SVIL: variants seen among roughly 807,000 people sequenced by gnomAD.
SVIL encodes archvillin.
A neutral mutation model predicts 240.4 loss-of-function variants in SVIL; 101 were observed. The observed-to-expected ratio is 0.42, with a 90% CI of 0.36 to 0.50. The LOEUF is 0.50. SVIL is among the 20% of genes least tolerant of loss of function. SVIL has a pLI of 0.01. For missense variants in SVIL, 2,512 were observed against 2,818.7 expected (o/e 0.89, Z 2.46); for synonymous variants, 999 against 1,100.0 (o/e 0.91, Z 1.82).
At chr10:29,499,065 C>T (rs1948676603) in intron 18 of SVIL, 51 bp downstream of exon 18, 1 of 1,594,560 alleles carries the variant, frequency 6.3e-7, no homozygotes, top group Non-Finnish European at 8.6e-7. Context: ...TAAGTGTGCT[C>T]ACGTGTGTGC....
intron 2 of SVIL, among the ~76,000 whole-genome samples, chr10:29,680,320 G>T (rs1041888280): frequency 2.0e-5 from 3 of 152,218 alleles, no homozygotes; most frequent in Admixed American, 6.5e-5. Flanking sequence ...GCTTCTTGGA[G>T]GAGGCACCTG....
At position 29,499,272 on chromosome 10, in the gene SVIL, A is replaced by C; in HGVS notation, c.3517-9T>G. On this transcript the variant is annotated splice_polypyrimidine_tract_variant and intron_variant, in intron 17 of 37. Transcript: ENST00000355867. Reference sequence around the variant, plus strand: ...CGACTTTCTGTGACCCGCTGTTCATAAATGTACAGAAGAGAAAACAGGAGA... The same window carrying C: ...CGACTTTCTGTGACCCGCTGTTCATCAATGTACAGAAGAGAAAACAGGAGA... 6.2e-7 allele frequency: 1 copy of C among 1,614,210 alleles called. No individual in the cohort carries two copies. The highest frequency in any genetic ancestry group is 1.7e-5 in the Admixed American group (1 of 60,032).
chr10:29,659,443 G>C (rs1392539342), intron 2 of SVIL, among the ~76,000 whole-genome samples: 1 of 152,166 alleles, frequency 6.6e-6, no homozygotes, highest in Non-Finnish European at 1.5e-5. Flanking sequence ...GCTCTGAACT[G>C]GGCAACAGCT....
chr10:29,500,406 C>T lies in SVIL; in HGVS notation c.3517-1143G>A, dbSNP rs114316745. On this transcript the variant is annotated intron_variant, in intron 17 of 37. Transcript: ENST00000355867. ...CCAAGGAAGGAAGAGTGCAAAGGTG[C>T]CCCCTCCAGAGCAGAAGGCACGTCC... is the stretch of plus-strand genomic sequence containing the variant. Among the ~76,000 whole-genome samples the T allele has an allele frequency of 2.8e-3, 426 of 152,172 alleles. 2 individuals are homozygous for T. Among genetic ancestry groups the T allele is most frequent in the African/African-American group, 9.6e-3 (400 of 41,500 alleles).
intron 29 of SVIL, among the ~76,000 whole-genome samples, chr10:29,474,469 C>G (rs569480220): frequency 6.6e-5 from 10 of 152,192 alleles, no homozygotes; most frequent in Non-Finnish European, 1.3e-4. Context: ...GTGTTGCACA[C>G]CTGTAGTCCC....
chr10:29,536,911 CAAAAAAA>C (rs59133069), intron 6 of SVIL, among the ~76,000 whole-genome samples: 1 of 89,872 alleles, frequency 1.1e-5, no homozygotes, highest in Non-Finnish European at 2.0e-5. Context: ...GACTCTGTCA[CAAAAAAA>C]AAAAAAAAAA....
chr10:29,715,488 A>T (rs1487122202), intron 1 of SVIL, among the ~76,000 whole-genome samples: 4 of 152,204 alleles, frequency 2.6e-5, no homozygotes, highest in Non-Finnish European at 2.9e-5. Context: ...ATCAAGCCAG[A>T]TTGCTCTTGA....
chr10:29,552,174 T>A (rs1409017448), intron 5 of SVIL, among the ~76,000 whole-genome samples: 2 of 152,026 alleles, frequency 1.3e-5, no homozygotes, highest in African/African-American at 4.8e-5. Flanking sequence ...CTAATAACAT[T>A]TTTATATATT....
chr10:29,561,948 CCT>C (rs1436852086), intron 3 of SVIL, among the ~76,000 whole-genome samples: 1 of 152,206 alleles, frequency 6.6e-6, no homozygotes, highest in African/African-American at 2.4e-5. Context: ...GGCCAAATCC[CCT>C]GAGTCTTTCA....
At chr10:29,682,621 T>C (rs1960749980) in intron 2 of SVIL, among the ~76,000 whole-genome samples, 1 of 152,096 alleles carries the variant, frequency 6.6e-6, no homozygotes. Context: ...AAGGACAAAA[T>C]GATGTTGCAT....
intron 2 of SVIL, among the ~76,000 whole-genome samples, chr10:29,662,101 T>C (rs1774102965): frequency 6.6e-6 from 1 of 152,168 alleles, no homozygotes; most frequent in Non-Finnish European, 1.5e-5. Flanking sequence ...GATGCTGCCA[T>C]GAGACCCAAC....
chr10:29,554,728 C>T (rs1404069700), intron 5 of SVIL, 55 bp downstream of exon 5: 3 of 1,467,040 alleles, frequency 2.0e-6, no homozygotes, highest in Non-Finnish European at 2.7e-6. Flanking sequence ...GAAAGGGCAA[C>T]TCGTAACCAG....
chr10:29,532,099 T>C lies in SVIL; in HGVS notation c.1912A>G (p.Lys638Glu). 1.2e-5 allele frequency: 20 copies of C among 1,614,062 alleles called. No individual in the cohort carries two copies. The highest frequency in any genetic ancestry group is 1.7e-5 in the Non-Finnish European group (20 of 1,179,906). ...TGVERERGSRKPRRYFSPGES... is the reference protein window; with the variant it reads ...TGVERERGSREPRRYFSPGES... The stretch of plus-strand genomic sequence containing the variant: ...CCAGGAGAAAAATAGCGTCTTGGTT[T>C]CCGGGACCCTCTCTCCCGTTCCACA... Residue 638 changes from lysine (K) to glutamate (E), a missense_variant, in exon 9 of 38, where the codon AAA (lysine) becomes GAA (glutamate). By Grantham distance (56) the Lys-to-Glu change is moderately conservative. This residue lies in a region of SVIL where 1,443 missense variants were observed against 1,486.6 expected (regional missense o/e 0.97). Coordinates refer to ENST00000355867, the MANE Select transcript of SVIL (RefSeq NM_021738.3).
chr10:29,736,760 C>T (rs903072115), upstream of SVIL: 9 of 152,424 alleles, frequency 5.9e-5, no homozygotes, highest in Admixed American at 5.2e-4. Flanking sequence ...GGGGTGCACA[C>T]TAGCGCGGGG....
intron 8 of SVIL, 136 bp downstream of exon 8, chr10:29,532,393 C>T (rs1324771424): frequency 1.1e-5 from 15 of 1,408,414 alleles, no homozygotes; most frequent in Middle Eastern, 2.6e-4. Context: ...AGCCATTTTC[C>T]GCATAGTCGC....
chr10:29,606,027 C>G (rs1957006797), intron 1 of SVIL, among the ~76,000 whole-genome samples: 2 of 152,144 alleles, frequency 1.3e-5, no homozygotes, highest in Admixed American at 6.5e-5. Context: ...TCTCCTGCCT[C>G]AGCCTCCCGA....
At position 29,481,737 on chromosome 10, in the gene SVIL, TG is replaced by T; in HGVS notation, c.4956-10del. On this transcript the variant is annotated splice_polypyrimidine_tract_variant and intron_variant, in intron 27 of 37. Coordinates refer to ENST00000355867, the MANE Select transcript of SVIL (RefSeq NM_021738.3). ...GCCGCCCCTGTCCTTTTCTGTAGGG[TG>T]GGAGGGGGGTTGGGAGAACAGACAG... 2 of 1,578,620 alleles carry T rather than the reference TG, an allele frequency of 1.3e-6. No individual in the cohort carries two copies. The highest frequency in any genetic ancestry group is 1.7e-6 in the Non-Finnish European group (2 of 1,152,784).
At chr10:29,559,720 C>T (rs749132240) in intron 3 of SVIL, among the ~76,000 whole-genome samples, 6 of 152,132 alleles carry the variant, frequency 3.9e-5, no homozygotes, top group African/African-American at 1.2e-4. Context: ...TTGAGTAATT[C>T]GGAGTGGTAC....
chr10:29,485,514 T>C (rs186212636), intron 26 of SVIL, among the ~76,000 whole-genome samples: 67 of 152,352 alleles, frequency 4.4e-4, no homozygotes, highest in Non-Finnish European at 7.3e-4. Flanking sequence ...TTCTGTGACT[T>C]TTCCCTCATG....
Sources: allele counts gnomAD v4.1 joint callset (sites outside exome capture counted in the v4.1 genomes callset), GRCh38; gene constraint gnomAD v4.1.1; regional missense constraint gnomAD v4.1.1; transcripts MANE v1.5; gene names NCBI Gene and HGNC (gene_info 2026-07-23, HGNC 2026-07-21).